The following HIKESHI variants were observed in gnomAD, a reference collection of about 807,000 sequenced individuals.
HIKESHI encodes the protein protein Hikeshi.
Under a neutral mutation model 25.7 loss-of-function variants are expected in HIKESHI, and 13 were observed. That is an observed-to-expected ratio of 0.51 (90% CI 0.33 to 0.80). HIKESHI has a LOEUF of 0.80. HIKESHI is among the 30% of genes least tolerant of loss of function. The pLI is 0.02. For synonymous variants in HIKESHI, 76 were observed against 78.7 expected, an observed-to-expected ratio of 0.97 and a Z score of 0.18; for missense variants, 174 against 229.5, an observed-to-expected ratio of 0.76 and a Z score of 1.56.
At position 86,345,727 on chromosome 11, in the gene HIKESHI, A is replaced by T. The variant is rs1214944581; in HGVS notation, c.*89A>T. ...TCTAAAAGTATGAGGTCAAAGGATC[A>T]CGAAACCTAAGTTTAAAAACTGCTT... On this transcript the variant is annotated 3_prime_UTR_variant, in exon 5 of 5. Coordinates refer to ENST00000278483, the MANE Select transcript of HIKESHI (RefSeq NM_016401.4). The T allele has an allele frequency of 1.0e-5, 7 of 677,980 alleles. No homozygotes were observed. The highest frequency in any genetic ancestry group is 1.7e-5 in the Non-Finnish European group (7 of 418,672). The allele number at this position is 677,980 out of a possible 1,614,324, so 42.0% of individuals were successfully genotyped here.
intron 2 of HIKESHI, among the ~76,000 whole-genome samples, chr11:86,328,531 G>A (rs1947342440): frequency 6.6e-6 from 1 of 150,566 alleles, no homozygotes; most frequent in Non-Finnish European, 1.5e-5. Context: ...TGCAACCTCT[G>A]CCTCCCAGGT....
chr11:86,336,441 TG>T (rs991462376), intron 2 of HIKESHI, among the ~76,000 whole-genome samples: 22 of 152,128 alleles, frequency 1.4e-4, no homozygotes, highest in Non-Finnish European at 2.5e-4. Flanking sequence ...CCCTCATGAA[TG>T]GGATTACCAC....
chr11:86,313,873 C>G (rs536152042), intron 2 of HIKESHI, among the ~76,000 whole-genome samples: 2 of 152,054 alleles, frequency 1.3e-5, no homozygotes. Context: ...TATGAGAGAT[C>G]TATTGGGCAT....
At chr11:86,321,506 T>A (rs1450154866) in intron 2 of HIKESHI, among the ~76,000 whole-genome samples, 1 of 151,850 alleles carries the variant, frequency 6.6e-6, no homozygotes, top group African/African-American at 2.4e-5. Flanking sequence ...ATTGTCAAAC[T>A]ACGTTCCAAC....
At chr11:86,307,259 GTGTAATATACATCATA>G (rs1946658598) in intron 2 of HIKESHI, among the ~76,000 whole-genome samples, 1 of 73,558 alleles carries the variant, frequency 1.4e-5, no homozygotes, top group African/African-American at 5.1e-5. Flanking sequence ...TATATATTAT[GTGTAATATACATCATA>G]TATCAAATAT....
intron 2 of HIKESHI, among the ~76,000 whole-genome samples, chr11:86,328,349 C>G (rs1423124087): frequency 1.3e-5 from 2 of 151,896 alleles, no homozygotes; most frequent in Non-Finnish European, 2.9e-5. Context: ...ACTTCCGCCT[C>G]CCGGGTTCAA....
chr11:86,307,610 TAAAATATATATTATGTGTAGTATA>T (rs1471108821), intron 2 of HIKESHI, among the ~76,000 whole-genome samples: 3,524 of 116,570 alleles, frequency 0.03, 850 homozygotes, highest in Middle Eastern at 0.051. Context: ...ACATTATATA[TAAAATATATATTATGTGTAGTATA>T]CATTATATAT....
intron 2 of HIKESHI, among the ~76,000 whole-genome samples, chr11:86,322,384 G>C (rs1947171733): frequency 6.6e-6 from 1 of 152,082 alleles, no homozygotes; most frequent in East Asian, 1.9e-4. Context: ...TTTTCTTAAA[G>C]TTGTTTTAAG....
chr11:86,327,502 G>C (rs1198226277), intron 2 of HIKESHI, among the ~76,000 whole-genome samples: 1 of 152,056 alleles, frequency 6.6e-6, no homozygotes, highest in African/African-American at 2.4e-5. Flanking sequence ...TTTTAGTAGA[G>C]ACGGGGTTTC....
chr11:86,321,079 C>T (rs1175269753), intron 2 of HIKESHI, among the ~76,000 whole-genome samples: 2 of 151,946 alleles, frequency 1.3e-5, no homozygotes, highest in African/African-American at 2.4e-5. Context: ...GGATTATAGG[C>T]GTGCACCACC....
chr11:86,328,427 GT>G (rs1323519457), intron 2 of HIKESHI, among the ~76,000 whole-genome samples: 2 of 137,010 alleles, frequency 1.5e-5, no homozygotes, highest in Non-Finnish European at 3.2e-5. Flanking sequence ...CGCAGCTAAT[GT>G]TTTTTGTTTT....
chr11:86,322,901 A>G (rs1298369922), intron 2 of HIKESHI, among the ~76,000 whole-genome samples: 1 of 152,158 alleles, frequency 6.6e-6, no homozygotes, highest in East Asian at 1.9e-4. Context: ...TGTTCTCTTG[A>G]TACTCACTTG....
At chr11:86,326,251 T>C (rs149252679) in intron 2 of HIKESHI, among the ~76,000 whole-genome samples, 13,474 of 152,074 alleles carry the variant, frequency 0.089, 913 homozygotes, top group African/African-American at 0.18. Context: ...TGAGCCAAGA[T>C]CGTGCCACCA....
intron 2 of HIKESHI, among the ~76,000 whole-genome samples, chr11:86,331,919 GTCA>G (rs1947435483): frequency 6.6e-6 from 1 of 151,080 alleles, no homozygotes; most frequent in African/African-American, 2.4e-5. Context: ...TTTTAGCTAT[GTCA>G]TCATAGTGAA....
At chr11:86,314,920 T>C (rs1946934025) in intron 2 of HIKESHI, among the ~76,000 whole-genome samples, 1 of 152,182 alleles carries the variant, frequency 6.6e-6, no homozygotes, top group East Asian at 1.9e-4. Flanking sequence ...AATCTAGAAG[T>C]CTGTACTGTA....
chr11:86,308,288 T>C (rs1593807766), intron 2 of HIKESHI, among the ~76,000 whole-genome samples: 1 of 94,840 alleles, frequency 1.1e-5, no homozygotes, highest in Non-Finnish European at 1.9e-5. Context: ...ATAAAATATA[T>C]ATTACATATA....
At chr11:86,322,212 C>G (rs979302216) in intron 2 of HIKESHI, among the ~76,000 whole-genome samples, 3 of 152,136 alleles carry the variant, frequency 2.0e-5, no homozygotes, top group African/African-American at 7.2e-5. Flanking sequence ...ATCTCGAACT[C>G]CTGACCTCAA....
chr11:86,319,242 A>ATATATTTT (rs1383589741), intron 2 of HIKESHI, among the ~76,000 whole-genome samples: 32 of 94,944 alleles, frequency 3.4e-4, no homozygotes, highest in African/African-American at 1.2e-3. Flanking sequence ...ATATATATAT[A>ATATATTTT]TTTTTTTTTT....
intron 1 of HIKESHI, chr11:86,303,654 G>A (rs956076568): frequency 6.6e-6 from 1 of 152,516 alleles, no homozygotes; most frequent in Non-Finnish European, 1.5e-5. Flanking sequence ...GGTAATACCT[G>A]CCTCTATATA....
Sources: gnomAD v4.1 joint callset for allele counts (sites outside exome capture counted in the v4.1 genomes callset) on GRCh38, gnomAD v4.1.1 for gene constraint, MANE v1.5 for transcripts, NCBI Gene and HGNC (gene_info 2026-07-23, HGNC 2026-07-21) for gene names.